PITPNM3: variants seen among roughly 807,000 people sequenced by gnomAD.
The protein encoded by PITPNM3 is PITPNM family member 3.
Under a neutral mutation model 102.0 loss-of-function variants are expected in PITPNM3, and 26 were observed. The observed-to-expected ratio is 0.25, with a 90% CI of 0.19 to 0.35. The LOEUF (loss-of-function observed/expected upper bound fraction) is 0.35, where lower values mean the gene tolerates loss of function less well. Among genes scored for constraint, PITPNM3 ranks in the 10% least tolerant of loss-of-function variants. The pLI is 1.00. For synonymous variants in PITPNM3, 578 were observed against 558.6 expected (o/e 1.03, Z -0.49); for missense variants, 1,083 against 1,346.1 (o/e 0.80, Z 3.06).
chr17:6,462,793 A>AGGGATTC (rs1411452876), intron 17 of PITPNM3, among the ~76,000 whole-genome samples: 1 of 152,156 alleles, frequency 6.6e-6, no homozygotes, highest in Non-Finnish European at 1.5e-5. Context: ...GATCACCCCT[A>AGGGATTC]GGGATTCTGG....
chr17:6,536,993 C>A (rs1273710681), intron 2 of PITPNM3, among the ~76,000 whole-genome samples: 1 of 152,166 alleles, frequency 6.6e-6, no homozygotes, highest in Non-Finnish European at 1.5e-5. Context: ...ACCGATTCTA[C>A]CTTCCCATGC....
In PITPNM3 at chr17:6,468,265, C is replaced by T. The variant is rs754791081; in HGVS notation, c.1850G>A (p.Arg617Gln). ...DPAALSPANP[R>Q]EKWLRKRTQV... ...AGTCCGCTTACGAAGCCACTTCTCC[C>T]GGGGGTTGGCAGGACTCAGTGCTGC... is the stretch of plus-strand genomic sequence containing the variant. Residue 617 changes from arginine (R) to glutamine (Q), a missense_variant, in exon 14 of 20, where the codon CGG becomes CAG. Transcript: ENST00000262483. The surrounding 1 kb of genome is among the most constrained non-coding windows in gnomAD (Gnocchi z 5.2). The T allele has an allele frequency of 1.8e-5, 29 of 1,613,722 alleles. 1 individual carries two copies. Among genetic ancestry groups the T allele is most frequent in the East Asian group, 1.8e-4 (8 of 44,898 alleles).
At chr17:6,483,775 TAC>T in intron 5 of PITPNM3, 23 bp from the exon 6 acceptor site, 1 of 1,605,380 alleles carries the variant, frequency 6.2e-7, no homozygotes, top group Non-Finnish European at 8.5e-7. Flanking sequence ...GCGGTTGGAA[TAC>T]AGAGAGAGAG....
In PITPNM3 at chr17:6,544,654, T is replaced by TCTCTCTCTCTCTCACACACA. The variant is rs376230474; in HGVS notation, c.23-6573_23-6572insTGTGTGTGAGAGAGAGAGAG. Among the ~76,000 whole-genome samples the TCTCTCTCTCTCTCACACACA allele has an allele frequency of 4.1e-4, 53 of 130,272 alleles. 1 individual carries two copies. Among genetic ancestry groups the TCTCTCTCTCTCTCACACACA allele is most frequent in the African/African-American group, 1.5e-3 (49 of 32,524 alleles). The allele number at this position is 130,272 out of a possible 152,430, so 85.5% of individuals were successfully genotyped here. On this transcript the variant is annotated intron_variant, in intron 1 of 19. Coordinates refer to ENST00000262483, the MANE Select transcript of PITPNM3 (RefSeq NM_031220.4). ...CTCTCTCTCTCTCTCTCTCTCTCTC[T>TCTCTCTCTCTCTCACACACA]CACACACACACACACACACACACAA...
At chr17:6,555,459 T>C (rs1910549777) in intron 1 of PITPNM3, among the ~76,000 whole-genome samples, 1 of 152,082 alleles carries the variant, frequency 6.6e-6, no homozygotes, top group African/African-American at 2.4e-5. Flanking sequence ...CATGGTAGAT[T>C]CTCACACGCC....
chr17:6,483,411 C>T (rs1442408528), intron 6 of PITPNM3, 106 bp downstream of exon 6: 1 of 1,075,940 alleles, frequency 9.3e-7, no homozygotes, highest in African/African-American at 1.6e-5. Flanking sequence ...CCCAGAGAGT[C>T]CTTGCAGGTA....
intron 14 of PITPNM3, among the ~76,000 whole-genome samples, chr17:6,465,173 C>A (rs932865598): frequency 1.3e-5 from 2 of 152,148 alleles, no homozygotes; most frequent in Non-Finnish European, 2.9e-5. Flanking sequence ...CAGCCTCCTG[C>A]GTAGCTGGGA....
chr17:6,526,851 G>C (rs1908861818), intron 2 of PITPNM3, among the ~76,000 whole-genome samples: 1 of 152,220 alleles, frequency 6.6e-6, no homozygotes, highest in Non-Finnish European at 1.5e-5. Context: ...TTAAAACCAG[G>C]TATACTATTT....
chr17:6,492,117 G>A (rs1906526045), intron 4 of PITPNM3, among the ~76,000 whole-genome samples: 1 of 148,436 alleles, frequency 6.7e-6, no homozygotes, highest in Non-Finnish European at 1.5e-5. Context: ...AGGCTGGAGT[G>A]CAGTGGCGCA....
rs1034796768 is a variant in PITPNM3 at position 6,468,086 on chromosome 17, G to C, written c.1890+139C>G. ...CAGTGCCTGGGCTCCATCTGAGTGT[G>C]AGCCCCAGCCTGTTTGGGTGCTGAG... On this transcript the variant is annotated intron_variant, in intron 14 of 19. Coordinates refer to ENST00000262483, the MANE Select transcript of PITPNM3 (RefSeq NM_031220.4). This position sits in a 1 kb window ranked among gnomAD's most constrained non-coding sequence, Gnocchi z 5.2. The C allele has an allele frequency of 4.8e-6, 4 of 831,700 alleles. No individual in the cohort carries two copies. The highest frequency in any genetic ancestry group is 1.8e-5 in the Admixed American group (1 of 55,384). 51.5% of individuals were successfully genotyped at this position (831,700 alleles called of 1,614,324 possible). A position where few individuals can be genotyped will look rare whatever the true frequency, so the allele number is the denominator to read the frequency against.
chr17:6,550,862 G>C (rs77869534), intron 1 of PITPNM3, among the ~76,000 whole-genome samples: 1 of 152,208 alleles, frequency 6.6e-6, no homozygotes, highest in East Asian at 1.9e-4. Context: ...GGCTTGAGGT[G>C]GAACCTCTCT....
In PITPNM3 at chr17:6,517,582, CAG is replaced by C. The variant is rs1327675472; in HGVS notation, c.226+7772_226+7773del. Among the ~76,000 whole-genome samples, 3 of 151,118 alleles carry C rather than the reference CAG, an allele frequency of 2.0e-5. No homozygotes were observed. Among genetic ancestry groups the C allele is most frequent in the Non-Finnish European group, 4.4e-5 (3 of 67,852 alleles). On this transcript the variant is annotated intron_variant, in intron 3 of 19. Transcript: ENST00000262483. The surrounding 1 kb of genome is among the most constrained non-coding windows in gnomAD (Gnocchi z 4.1). Reference sequence around the variant, plus strand: ...ATTTTTAATTTTTTTTTTTTTGAGACAGGGGCTCATTCTGTCACCCAGGCTGG... The same window carrying C: ...ATTTTTAATTTTTTTTTTTTTGAGACGGGCTCATTCTGTCACCCAGGCTGG...
chr17:6,465,292 T>C (rs1346580121), intron 14 of PITPNM3, among the ~76,000 whole-genome samples: 4 of 152,168 alleles, frequency 2.6e-5, no homozygotes, highest in African/African-American at 9.7e-5. Flanking sequence ...GTGATCTGCC[T>C]ACCTCGGACT....
chr17:6,498,470 C>A (rs1411938267), intron 4 of PITPNM3, among the ~76,000 whole-genome samples: 6 of 152,204 alleles, frequency 3.9e-5, no homozygotes, highest in Admixed American at 3.9e-4. Context: ...TGAGAACCAG[C>A]CTTTCCTCCT....
rs144840578 is a variant in PITPNM3, at chr17:6,543,921, C to T, written c.23-5839G>A. Among the ~76,000 whole-genome samples, 29 of 152,284 alleles carry T rather than the reference C, an allele frequency of 1.9e-4. 2 individuals carry two copies. The South Asian group carries it at 2.3e-3, about 12-fold the overall frequency. On this transcript the variant is annotated intron_variant, in intron 1 of 19. Transcript: ENST00000262483. Reference sequence around the variant, plus strand: ...AGGGAGAGACACAGGCCAAAACAATCGAGCCCTTTCCAAGGAAAGCTGGAT... The same window carrying T: ...AGGGAGAGACACAGGCCAAAACAATTGAGCCCTTTCCAAGGAAAGCTGGAT...
chr17:6,537,839 G>T lies in PITPNM3; in HGVS notation c.118+148C>A. ...GACGAAGGCTGAGCCCCTGCTCTTGGCACATCCACAGGATGGGTAAGTATG... is the reference window on the plus strand; with the variant it reads ...GACGAAGGCTGAGCCCCTGCTCTTGTCACATCCACAGGATGGGTAAGTATG... On this transcript the variant is annotated intron_variant, in intron 2 of 19. Transcript: ENST00000262483. This position sits in a 1 kb window ranked among gnomAD's most constrained non-coding sequence, Gnocchi z 4.4. The T allele has an allele frequency of 1.3e-6, 1 of 754,104 alleles. No homozygotes were observed. Among genetic ancestry groups the T allele is most frequent in the Non-Finnish European group, 2.4e-6 (1 of 423,400 alleles). The allele number at this position is 754,104 out of a possible 1,614,324, so 46.7% of individuals were successfully genotyped here. A position where few individuals can be genotyped will look rare whatever the true frequency, so the allele number is the denominator to read the frequency against.
At chr17:6,554,471 G>C (rs769128524) in intron 1 of PITPNM3, among the ~76,000 whole-genome samples, 1 of 152,276 alleles carries the variant, frequency 6.6e-6, no homozygotes, top group African/African-American at 2.4e-5. Flanking sequence ...CTACAGACAC[G>C]GGGAATCTGT....
rs1266640229 is a variant in PITPNM3 at position 6,472,625 on chromosome 17, C to A, written c.1429+32G>T. 1 of 1,602,528 alleles carries A rather than the reference C, an allele frequency of 6.2e-7. No homozygotes were observed. Among genetic ancestry groups the A allele is most frequent in the Non-Finnish European group, 8.5e-7 (1 of 1,175,650 alleles). ...ATGGGCTGGGGCCCCACCTCCAGCT[C>A]AGCACACTCTCTCCCACCCCCAAGA... On this transcript the variant is annotated intron_variant, in intron 11 of 19. Coordinates refer to ENST00000262483, the MANE Select transcript of PITPNM3 (RefSeq NM_031220.4). This position sits in a 1 kb window ranked among gnomAD's most constrained non-coding sequence, Gnocchi z 4.1.
intron 1 of PITPNM3, among the ~76,000 whole-genome samples, chr17:6,544,346 G>A (rs974680303): frequency 6.6e-6 from 1 of 152,082 alleles, no homozygotes; most frequent in Non-Finnish European, 1.5e-5. Context: ...TCAACAAAGT[G>A]AGACCCCATC....
Sources: gnomAD v4.1 joint callset for allele counts (sites outside exome capture counted in the v4.1 genomes callset) on GRCh38, gnomAD v4.1.1 for gene constraint, Gnocchi (gnomAD v3.1) non-coding constraint, MANE v1.5 for transcripts, NCBI Gene and HGNC (gene_info 2026-07-23, HGNC 2026-07-21) for gene names.